The following CADPS2 variants were observed in gnomAD, a reference collection of about 807,000 sequenced individuals.
CADPS2 encodes calcium dependent secretion activator 2, also known as calcium-dependent secretion activator 2.
CADPS2 carries 93 observed loss-of-function variants against 172.5 expected under a neutral mutation model. That is an observed-to-expected ratio of 0.54 (90% CI 0.46 to 0.64). The LOEUF is 0.64. CADPS2 is among the 30% of genes least tolerant of loss of function. The pLI is 0.00. For missense variants in CADPS2, 1,420 were observed against 1,565.9 expected (o/e 0.91, Z 1.57); for synonymous variants, 546 against 555.2 (o/e 0.98, Z 0.23).
At chr7:122,369,217 C>T (rs7805052) in intron 25 of CADPS2, among the ~76,000 whole-genome samples, 59,286 of 143,676 alleles carry the variant, frequency 0.41, 12,870 homozygotes, top group African/African-American at 0.51. Flanking sequence ...CTGCAAGCTC[C>T]GTCTCCCGGG....
chr7:122,717,951 T>C (rs957701720), intron 2 of CADPS2, among the ~76,000 whole-genome samples: 1 of 150,562 alleles, frequency 6.6e-6, no homozygotes, highest in Non-Finnish European at 1.5e-5. Flanking sequence ...TGGTACTATA[T>C]AGGTGCATTC....
At chr7:122,871,459 G>A (rs562574703) in intron 1 of CADPS2, among the ~76,000 whole-genome samples, 1 of 151,250 alleles carries the variant, frequency 6.6e-6, no homozygotes, top group East Asian at 1.9e-4. Flanking sequence ...TATTTATACA[G>A]TATTCCCCCC....
chr7:122,808,348 G>A lies in CADPS2; in HGVS notation c.340-71280C>T, dbSNP rs1362659489. Among the ~76,000 whole-genome samples, 8 of 152,276 alleles carry A rather than the reference G, an allele frequency of 5.3e-5. No individual in the cohort carries two copies. In the East Asian group the frequency reaches 1.5e-3, roughly 29 times the overall value. On this transcript the variant is annotated intron_variant, in intron 1 of 29. Coordinates refer to ENST00000449022, the MANE Select transcript of CADPS2 (RefSeq NM_017954.11). The stretch of plus-strand genomic sequence containing the variant: ...ATTTAGAATTAAGAAAGTAAAATGT[G>A]GTTTTGCAATATCAAAGTATAGCCC...
chr7:122,718,082 C>A (rs2089898315), intron 2 of CADPS2, among the ~76,000 whole-genome samples: 1 of 149,492 alleles, frequency 6.7e-6, no homozygotes, highest in Admixed American at 6.8e-5. Context: ...CCTCATGCCT[C>A]AGCCTCCTAA....
chr7:122,621,356 T>C, intron 5 of CADPS2, 125 bp downstream of exon 5: 1 of 660,132 alleles, frequency 1.5e-6, no homozygotes, highest in Non-Finnish European at 2.6e-6. Context: ...AAATGGAGAA[T>C]AATTTAACAT....
intron 1 of CADPS2, among the ~76,000 whole-genome samples, chr7:122,840,044 T>C (rs1478200643): frequency 2.0e-5 from 3 of 152,134 alleles, no homozygotes; most frequent in African/African-American, 7.2e-5. Flanking sequence ...TGTCCATCAA[T>C]GATAGACTGG....
chr7:122,569,269 C>A (rs1393731238), intron 7 of CADPS2, among the ~76,000 whole-genome samples: 1 of 152,054 alleles, frequency 6.6e-6, no homozygotes, highest in Non-Finnish European at 1.5e-5. Flanking sequence ...CATGAGTGAA[C>A]TCCCATTCAC....
At chr7:122,434,340 GA>G (rs1006883702) in intron 17 of CADPS2, among the ~76,000 whole-genome samples, 47 of 146,530 alleles carry the variant, frequency 3.2e-4, no homozygotes, top group Admixed American at 1.2e-3. Flanking sequence ...AAAGGTAGGG[GA>G]AAAAAAAAAG....
intron 1 of CADPS2, among the ~76,000 whole-genome samples, chr7:122,817,357 C>A (rs1801774437): frequency 6.6e-6 from 1 of 152,152 alleles, no homozygotes. Context: ...CTTCTCCAAC[C>A]TCTCTCATCA....
chr7:122,405,480 T>C (rs954222103), intron 20 of CADPS2, among the ~76,000 whole-genome samples: 4 of 152,074 alleles, frequency 2.6e-5, no homozygotes, highest in Non-Finnish European at 4.4e-5. Flanking sequence ...CTGGTGAACA[T>C]GGTGGAACCC....
intron 3 of CADPS2, among the ~76,000 whole-genome samples, chr7:122,636,460 ATGTTT>A (rs781494658): frequency 2.8e-5 from 3 of 108,240 alleles, no homozygotes; most frequent in Non-Finnish European, 5.3e-5. Context: ...TCCACAAGAG[ATGTTT>A]TTTTTTTTTT....
At position 122,554,623 on chromosome 7, in the gene CADPS2, T is replaced by A; in HGVS notation, c.1402A>T (p.Asn468Tyr). 1 of 1,612,178 alleles carries A rather than the reference T, an allele frequency of 6.2e-7. No homozygotes were observed. Among genetic ancestry groups the A allele is most frequent in the Non-Finnish European group, 8.5e-7 (1 of 1,178,934 alleles). ...AELHRMVVPKNSQDSDLKIKL... is the reference protein window; with the variant it reads ...AELHRMVVPKYSQDSDLKIKL... ...ATTTTTAAGTCAGAATCCTGGCTAT[T>A]TTTTGGAACTACCATTCGGTGTAAT... The change falls in exon 8 of 30, where the codon AAT becomes TAT. Residue 468 changes from asparagine (N) to tyrosine (Y), a missense_variant. Physicochemically the swap from Asn to Tyr is moderately radical, Grantham distance 143. Coordinates refer to ENST00000449022, the MANE Select transcript of CADPS2 (RefSeq NM_017954.11).
At chr7:122,708,461 G>GATATATATAT (rs3034549) in intron 2 of CADPS2, among the ~76,000 whole-genome samples, 1 of 128,236 alleles carries the variant, frequency 7.8e-6, no homozygotes, top group African/African-American at 3.0e-5. Flanking sequence ...TATGTGTGTG[G>GATATATATAT]ATATATATAT....
chr7:122,832,551 T>C (rs1806898749), intron 1 of CADPS2, among the ~76,000 whole-genome samples: 2 of 152,210 alleles, frequency 1.3e-5, no homozygotes, highest in Admixed American at 1.3e-4. Flanking sequence ...AATGGTAGAA[T>C]ACAACTAGAC....
chr7:122,761,094 T>G (rs916156843), intron 1 of CADPS2, among the ~76,000 whole-genome samples: 1 of 152,098 alleles, frequency 6.6e-6, no homozygotes, highest in African/African-American at 2.4e-5. Flanking sequence ...TCCTTATATC[T>G]CCTAACAAAT....
chr7:122,708,782 C>A (rs915383992), intron 2 of CADPS2, among the ~76,000 whole-genome samples: 1 of 151,380 alleles, frequency 6.6e-6, no homozygotes, highest in South Asian at 2.1e-4. Context: ...TTCAGTCTAC[C>A]GATTTAGAAG....
rs138543139 is a variant in CADPS2 at position 122,643,933 on chromosome 7, T to G, written c.787-14605A>C. Among the ~76,000 whole-genome samples the G allele has an allele frequency of 5.7e-3, 872 of 152,036 alleles. 2 individuals carry two copies. Among genetic ancestry groups the G allele is most frequent in the Admixed American group, 0.011 (175 of 15,262 alleles). The stretch of plus-strand genomic sequence containing the variant: ...TGGCAAAACCCCTCTCTACTAAAAA[T>G]GAAAAATTAACCAGGTGTGGTAGCT... On this transcript the variant is annotated intron_variant, in intron 3 of 29. Transcript: ENST00000449022.
intron 8 of CADPS2, among the ~76,000 whole-genome samples, chr7:122,545,612 C>T (rs1359738656): frequency 1.3e-5 from 2 of 151,820 alleles, no homozygotes; most frequent in Non-Finnish European, 2.9e-5. Context: ...ATGGGAACAT[C>T]GTAGAAAAGT....
chr7:122,866,798 C>T (rs1818426888), intron 1 of CADPS2, among the ~76,000 whole-genome samples: 1 of 152,144 alleles, frequency 6.6e-6, no homozygotes, highest in Non-Finnish European at 1.5e-5. Context: ...TTAATCAGAT[C>T]ATTTCCTGAA....
Sources: gnomAD v4.1 joint callset for allele counts (sites outside exome capture counted in the v4.1 genomes callset) on GRCh38, gnomAD v4.1.1 for gene constraint, MANE v1.5 for transcripts, NCBI Gene and HGNC (gene_info 2026-07-23, HGNC 2026-07-21) for gene names.